Variants in SLC22A7 observed in about 807,000 individuals in gnomAD.
SLC22A7 encodes hOAT2.
A neutral mutation model predicts 62.2 loss-of-function variants in SLC22A7; 48 were observed. The observed-to-expected ratio is 0.77, with a 90% CI of 0.61 to 0.98. The LOEUF is 0.98. Ranked by LOEUF, SLC22A7 falls within the 50% of genes least tolerant of loss-of-function variation. The pLI is 0.00. For synonymous variants in SLC22A7, 276 were observed against 314.8 expected (o/e 0.88, Z 1.30); for missense variants, 581 against 703.8 (o/e 0.83, Z 1.97).
In SLC22A7 at chr6:43,305,311, G is replaced by A. The variant is rs77607863; in HGVS notation, c.*586G>A. The A allele has an allele frequency of 4.8e-4, 105 of 217,952 alleles. No individual in the cohort carries two copies. The highest frequency in any genetic ancestry group is 2.3e-3 in the African/African-American group (99 of 42,340). The allele number at this position is 217,952 out of a possible 1,614,324, so 13.5% of individuals were successfully genotyped here. ...CTGTCCACTGTGTGGTGCTAGGACT[G>A]CCAATGCCAGGCCCAAGGGACAAAA... On this transcript the variant is annotated 3_prime_UTR_variant, in exon 11 of 11. Coordinates refer to ENST00000372585, the MANE Select transcript of SLC22A7 (RefSeq NM_153320.2).
intron 9 of SLC22A7, 81 bp from the exon 10 acceptor site, chr6:43,303,957 C>A: frequency 3.3e-6 from 4 of 1,215,810 alleles, no homozygotes; most frequent in Non-Finnish European, 3.3e-6. Flanking sequence ...GGCCTGCCAG[C>A]CCTGGAGGGA....
At chr6:43,296,612 T>C (rs1189167971), upstream of SLC22A7, among the ~76,000 whole-genome samples, 2 of 152,164 alleles carry the variant, frequency 1.3e-5, no homozygotes, top group Non-Finnish European at 2.9e-5. Flanking sequence ...TCAGGGAGGT[T>C]TGGGCATCCA....
At position 43,302,653 on chromosome 6, in the gene SLC22A7, A is replaced by C. The variant is rs754239130; in HGVS notation, c.1277-2A>C. ...TCACTACCTGAACCCGCTTCCCTCCAGATATGAAGTCCTGGAGCACTGTCC... is the reference window on the plus strand; with the variant it reads ...TCACTACCTGAACCCGCTTCCCTCCCGATATGAAGTCCTGGAGCACTGTCC... On this transcript the variant is annotated splice_acceptor_variant, in intron 8 of 10. Transcript: ENST00000372585. LOFTEE classifies it high-confidence loss of function. This position sits in a 1 kb window ranked among gnomAD's most constrained non-coding sequence, Gnocchi z 5.0. 1.3e-6 allele frequency: 2 copies of C among 1,597,156 alleles called. No homozygotes were observed. The highest frequency in any genetic ancestry group is 2.2e-5 in the South Asian group (2 of 88,934).
intron 9 of SLC22A7, 68 bp from the exon 10 acceptor site, chr6:43,303,970 C>A: frequency 7.6e-7 from 1 of 1,321,498 alleles, no homozygotes; most frequent in Admixed American, 2.7e-5. Flanking sequence ...TGGAGGGAAG[C>A]CCTGTGGGGC....
At chr6:43,304,344 C>A in intron 10 of SLC22A7, 100 bp downstream of exon 10, 1 of 1,055,680 alleles carries the variant, frequency 9.5e-7, no homozygotes. Flanking sequence ...GAAACTATAT[C>A]TGCACATGTG....
rs367614120 is a variant in SLC22A7, at chr6:43,299,669, C to G, written c.546C>G (p.Thr182=). 9.3e-6 allele frequency: 15 copies of G among 1,614,054 alleles called. No homozygotes were observed. The highest frequency in any genetic ancestry group is 8.5e-7 in the Non-Finnish European group (1 of 1,180,034). ...RRLLLVAYVS[T]LVLGLASAAS... ...TGCTGCTGGTAGCCTACGTGAGTAC[C>G]CTGGTGCTGGGCCTGGCATCTGCAG... is the stretch of plus-strand genomic sequence containing the variant. The change falls in exon 4 of 11, where the codon ACC becomes ACG. Residue 182 remains threonine (T), a synonymous_variant. Transcript: ENST00000372585. The surrounding 1 kb of genome is among the most constrained non-coding windows in gnomAD (Gnocchi z 4.4).
At chr6:43,298,788 G>T in intron 1 of SLC22A7, 37 bp downstream of exon 1, 1 of 1,516,102 alleles carries the variant, frequency 6.6e-7, no homozygotes, top group Non-Finnish European at 8.8e-7. Context: ...ATGTGAGAGG[G>T]ATGGGCCTGC....
chr6:43,301,622 A>G lies in SLC22A7; in HGVS notation c.991A>G (p.Arg331Gly). Residue 331 changes from arginine (R) to glycine (G), a missense_variant, in exon 7 of 11, where the codon AGA (arginine) becomes GGA (glycine). Coordinates refer to ENST00000372585, the MANE Select transcript of SLC22A7 (RefSeq NM_153320.2). ...GGCCGCCGGGGAACGGGTGGTCCGA[A>G]GACCTTCATACCTAGACCTGTTCCG... ...KVAAGERVVR[R>G]PSYLDLFRTP... 6.2e-7 allele frequency: 1 copy of G among 1,614,090 alleles called. No homozygotes were observed. Among genetic ancestry groups the G allele is most frequent in the Non-Finnish European group, 8.5e-7 (1 of 1,179,992 alleles).
chr6:43,304,196 C>A lies in SLC22A7; in HGVS notation c.1544C>A (p.Thr515Lys). The A allele has an allele frequency of 6.3e-7, 1 of 1,590,918 alleles. No homozygotes were observed. Residue 515 changes from threonine to lysine, a missense_variant, in exon 10 of 11, where the codon ACG becomes AAG. Physicochemically the swap from Thr to Lys is moderately conservative, Grantham distance 78. Transcript: ENST00000372585. Reference sequence around the variant, plus strand: ...GGCACCGCCCTCCTGCTGCCAGAGACGAGGCAGGCACAGCTGCCAGAGACC... The same window carrying A: ...GGCACCGCCCTCCTGCTGCCAGAGAAGAGGCAGGCACAGCTGCCAGAGACC... ...AAGTALLLPE[T>K]RQAQLPETIQ...
At chr6:43,303,145 T>A in intron 9 of SLC22A7, 1 of 985,350 alleles carries the variant, frequency 1.0e-6, no homozygotes, top group Non-Finnish European at 1.2e-6. Flanking sequence ...ACGTCAGACA[T>A]CCTCTCTGGG....
chr6:43,296,453 CT>C (rs1778566079), upstream of SLC22A7, among the ~76,000 whole-genome samples: 1 of 152,212 alleles, frequency 6.6e-6, no homozygotes, highest in South Asian at 2.1e-4. Context: ...CAAAACTTAC[CT>C]CTCAGGAGCT....
At chr6:43,297,653 G>C (rs76554207), upstream of SLC22A7, among the ~76,000 whole-genome samples, 1,565 of 152,318 alleles carry the variant, frequency 0.01, 29 homozygotes, top group African/African-American at 0.036. Flanking sequence ...GGAAATAGGG[G>C]AATGGGACAG....
chr6:43,304,147 G>C lies in SLC22A7; in HGVS notation c.1495G>C (p.Gly499Arg), dbSNP rs200163252. 7 of 1,606,038 alleles carry C rather than the reference G, an allele frequency of 4.4e-6. No homozygotes were observed. In the Admixed American group the frequency reaches 5.1e-5, roughly 12 times the overall value. The change falls in exon 10 of 11, where the codon GGG (glycine) becomes CGG (arginine). Residue 499 changes from glycine to arginine, a missense_variant. By Grantham distance (125) the Gly-to-Arg change is moderately radical. Coordinates refer to ENST00000372585, the MANE Select transcript of SLC22A7 (RefSeq NM_153320.2). ...VWLSLPKLTY[G>R]GIALLAAGTA... Reference sequence around the variant, plus strand: ...GCTGTCACTGCCCAAGCTTACTTATGGGGGGATCGCCCTGCTGGCTGCCGG... The same window carrying C: ...GCTGTCACTGCCCAAGCTTACTTATCGGGGGATCGCCCTGCTGGCTGCCGG...
In SLC22A7 at chr6:43,304,069, G is replaced by C; in HGVS notation, c.1417G>C (p.Gly473Arg). 6 of 1,588,398 alleles carry C rather than the reference G, an allele frequency of 3.8e-6. No homozygotes were observed. The highest frequency in any genetic ancestry group is 5.1e-6 in the Non-Finnish European group (6 of 1,165,730). The change falls in exon 10 of 11, where the codon GGC becomes CGC. Residue 473 changes from glycine (G) to arginine (R), a missense_variant. Coordinates refer to ENST00000372585, the MANE Select transcript of SLC22A7 (RefSeq NM_153320.2). ...QTGMGLTALV[G>R]RLGGSLAPLA... ...AGGGATGGGGCTGACTGCACTGGTG[G>C]GCCGGCTGGGGGGCTCTTTGGCCCC...
Position 43,304,103 on chromosome 6 carries a change from C to T in SLC22A7, c.1451C>T (p.Ala484Val), listed in dbSNP as rs752295522. ...GGGGGCTCTTTGGCCCCACTGGCGG[C>T]CTTGCTGGATGGAGTGTGGCTGTCA... is the stretch of plus-strand genomic sequence containing the variant. ...RLGGSLAPLAALLDGVWLSLP... is the reference protein window; with the variant it reads ...RLGGSLAPLAVLLDGVWLSLP... Residue 484 changes from alanine (A) to valine (V), a missense_variant, in exon 10 of 11, where the codon GCC (alanine) becomes GTC (valine). Physicochemically the swap from Ala to Val is moderately conservative, Grantham distance 64 (BLOSUM62 0). Coordinates refer to ENST00000372585, the MANE Select transcript of SLC22A7 (RefSeq NM_153320.2). 6.2e-7 allele frequency: 1 copy of T among 1,601,508 alleles called. No individual in the cohort carries two copies. Among genetic ancestry groups the T allele is most frequent in the South Asian group, 1.1e-5 (1 of 89,308 alleles).
rs751963731 is a variant in SLC22A7 at position 43,302,183 on chromosome 6, A to T, written c.1062-17A>T. 6.4e-7 allele frequency: 1 copy of T among 1,550,918 alleles called. No homozygotes were observed. On this transcript the variant is annotated splice_polypyrimidine_tract_variant and intron_variant, in intron 7 of 10. Coordinates refer to ENST00000372585, the MANE Select transcript of SLC22A7 (RefSeq NM_153320.2). The surrounding 1 kb of genome is among the most constrained non-coding windows in gnomAD (Gnocchi z 5.0). ...TGGGAAGGAGGGTCCGCCAAGTGGCACTGAGACTCCTTTCAGGTTCGGAGT... is the reference window on the plus strand; with the variant it reads ...TGGGAAGGAGGGTCCGCCAAGTGGCTCTGAGACTCCTTTCAGGTTCGGAGT...
In SLC22A7 at chr6:43,300,015, G is replaced by C. The variant is rs1476015702; in HGVS notation, c.776G>C (p.Trp259Ser). Reference protein sequence around the residue: ...LVGYLIRDWRWLLLAVTLPCA... With the variant: ...LVGYLIRDWRSLLLAVTLPCA... Reference sequence around the variant, plus strand: ...GGGTACCTGATACGGGACTGGCGATGGCTTCTGCTAGCTGTCACCCTGCCT... The same window carrying C: ...GGGTACCTGATACGGGACTGGCGATCGCTTCTGCTAGCTGTCACCCTGCCT... Residue 259 changes from tryptophan to serine, a missense_variant, in exon 5 of 11, where the codon TGG becomes TCG. Physicochemically the swap from Trp to Ser is radical, Grantham distance 177 (BLOSUM62 -3). Coordinates refer to ENST00000372585, the MANE Select transcript of SLC22A7 (RefSeq NM_153320.2). 2 of 1,614,198 alleles carry C rather than the reference G, an allele frequency of 1.2e-6. No homozygotes were observed. Among genetic ancestry groups the C allele is most frequent in the Non-Finnish European group, 1.7e-6 (2 of 1,180,048 alleles).
chr6:43,302,897 G>A lies in SLC22A7; in HGVS notation c.1385+134G>A, dbSNP rs1223351506. On this transcript the variant is annotated intron_variant, in intron 9 of 10. Transcript: ENST00000372585. This position sits in a 1 kb window ranked among gnomAD's most constrained non-coding sequence, Gnocchi z 5.0. ...TTAATTTTAATTTTTGGTAGAGACG[G>A]GGTCTTGCTATATTACCCAGACTGG... 1.4e-6 allele frequency: 1 copy of A among 694,824 alleles called. No homozygotes were observed. Among genetic ancestry groups the A allele is most frequent in the Non-Finnish European group, 2.4e-6 (1 of 419,982 alleles). 43.0% of individuals were successfully genotyped at this position (694,824 alleles called of 1,614,324 possible).
chr6:43,302,052 T>C lies in SLC22A7; in HGVS notation c.1062-148T>C. On this transcript the variant is annotated intron_variant, in intron 7 of 10. Transcript: ENST00000372585. This position sits in a 1 kb window ranked among gnomAD's most constrained non-coding sequence, Gnocchi z 5.0. Reference sequence around the variant, plus strand: ...GGCGCATGCTGCACAGAGGGCATTATGGATGTCAGGGAAGGTCCTGGCGGG... The same window carrying C: ...GGCGCATGCTGCACAGAGGGCATTACGGATGTCAGGGAAGGTCCTGGCGGG... 1 of 684,828 alleles carries C rather than the reference T, an allele frequency of 1.5e-6. No individual in the cohort carries two copies. Among genetic ancestry groups the C allele is most frequent in the Non-Finnish European group, 2.5e-6 (1 of 402,382 alleles). 42.4% of individuals were successfully genotyped at this position (684,828 alleles called of 1,614,324 possible).
Sources: allele counts gnomAD v4.1 joint callset (sites outside exome capture counted in the v4.1 genomes callset), GRCh38; gene constraint gnomAD v4.1.1; non-coding constraint Gnocchi (gnomAD v3.1); transcripts MANE v1.5; gene names NCBI Gene and HGNC (gene_info 2026-07-23, HGNC 2026-07-21).